Variants in GOLGA4 observed in about 807,000 individuals in gnomAD.
GOLGA4 encodes golgin subfamily A member 4.
GOLGA4 carries 169 observed loss-of-function variants against 265.9 expected under a neutral mutation model. The observed-to-expected ratio is 0.64, with a 90% CI of 0.56 to 0.72. The LOEUF is 0.72. Ranked by LOEUF, GOLGA4 falls within the 30% of genes least tolerant of loss-of-function variation. GOLGA4 has a pLI of 0.00. For synonymous variants in GOLGA4, 923 were observed against 855.8 expected (o/e 1.08, Z -1.37); for missense variants, 2,482 against 2,483.4 (o/e 1.00, Z 0.01).
At chr3:37,335,218 C>A in intron 17 of GOLGA4, 52 bp downstream of exon 17, 1 of 954,412 alleles carries the variant, frequency 1.0e-6, no homozygotes, top group Non-Finnish European at 1.7e-6. Context: ...ATTGTCATTT[C>A]TGTGATTTGA....
At position 37,347,283 on chromosome 3, in the gene GOLGA4, G is replaced by T; in HGVS notation, c.6563G>T (p.Gly2188Val). 1.3e-6 allele frequency: 2 copies of T among 1,580,196 alleles called. No individual in the cohort carries two copies. The highest frequency in any genetic ancestry group is 1.7e-6 in the Non-Finnish European group (2 of 1,149,494). The change falls in exon 21 of 24, where the codon GGT (glycine) becomes GTT (valine). Residue 2188 changes from glycine (G) to valine (V), a missense_variant. Physicochemically the swap from Gly to Val is moderately radical, Grantham distance 109 (BLOSUM62 -3). Transcript: ENST00000361924. ...LRKVLFEYMM[G>V]RETKTMAKVI... ...AAAGTGCTTTTTGAGTATATGATGGGTCGTGAGACTAAGGTATAAATCATG... is the reference window on the plus strand; with the variant it reads ...AAAGTGCTTTTTGAGTATATGATGGTTCGTGAGACTAAGGTATAAATCATG...
intron 15 of GOLGA4, among the ~76,000 whole-genome samples, chr3:37,328,749 A>G (rs964730534): frequency 2.6e-5 from 4 of 152,174 alleles, no homozygotes; most frequent in Non-Finnish European, 4.4e-5. Context: ...TGAAAGTATT[A>G]GCTAATTAAT....
intron 21 of GOLGA4, among the ~76,000 whole-genome samples, chr3:37,350,770 C>T (rs1269340104): frequency 3.3e-5 from 5 of 152,026 alleles, no homozygotes; most frequent in Admixed American, 1.3e-4. Flanking sequence ...TTATACTATA[C>T]TGTAGCCTAT....
rs569169905 is a variant in GOLGA4 at position 37,365,201 on chromosome 3, C to T, written c.*34-879C>T. ...GTTTGTCTTTTGCTATTATGTCATG[C>T]TGGGAGAATTGCAATTTGTAGAATA... On this transcript the variant is annotated intron_variant, in intron 23 of 23. Coordinates refer to ENST00000361924, the MANE Select transcript of GOLGA4 (RefSeq NM_002078.5). Among the ~76,000 whole-genome samples the T allele has an allele frequency of 3.3e-5, 5 of 152,178 alleles. No homozygotes were observed. The East Asian group carries it at 7.7e-4, about 24-fold the overall frequency.
intron 10 of GOLGA4, among the ~76,000 whole-genome samples, chr3:37,307,176 TG>T (rs1344925157): frequency 1.3e-5 from 2 of 152,206 alleles, no homozygotes; most frequent in Non-Finnish European, 2.9e-5. Context: ...ATATGATTGG[TG>T]GCATTTAAAA....
intron 2 of GOLGA4, among the ~76,000 whole-genome samples, chr3:37,263,500 A>C (rs765198487): frequency 2.0e-5 from 3 of 152,156 alleles, no homozygotes; most frequent in South Asian, 2.1e-4. Flanking sequence ...TCACATGACA[A>C]AATGGCCTAA....
At chr3:37,264,404 A>G (rs1480891098) in intron 2 of GOLGA4, among the ~76,000 whole-genome samples, 1 of 152,212 alleles carries the variant, frequency 6.6e-6, no homozygotes, top group East Asian at 1.9e-4. Flanking sequence ...ATATTTTAGT[A>G]TACTACTAAT....
chr3:37,276,051 C>A, intron 2 of GOLGA4: 1 of 1,612,654 alleles, frequency 6.2e-7, no homozygotes, highest in Non-Finnish European at 8.5e-7. Context: ...AAGGATGAGA[C>A]AAATGCTCGA....
intron 2 of GOLGA4, among the ~76,000 whole-genome samples, chr3:37,253,333 G>T (rs934185544): frequency 6.6e-6 from 1 of 151,282 alleles, no homozygotes; most frequent in African/African-American, 2.4e-5. Context: ...ATGAGAAACC[G>T]CATAGGGTAC....
At chr3:37,248,695 A>G (rs1480049274) in intron 1 of GOLGA4, among the ~76,000 whole-genome samples, 1 of 152,124 alleles carries the variant, frequency 6.6e-6, no homozygotes, top group African/African-American at 2.4e-5. Flanking sequence ...TATGTTTTAG[A>G]ATCTGTTAAA....
chr3:37,278,199 C>T, intron 2 of GOLGA4, among the ~76,000 whole-genome samples: 1 of 148,950 alleles, frequency 6.7e-6, no homozygotes, highest in Middle Eastern at 3.5e-3. Flanking sequence ...TGCATATTTT[C>T]TTTTCTTTTT....
At chr3:37,273,728 G>A in intron 2 of GOLGA4, 2 of 595,314 alleles carry the variant, frequency 3.4e-6, no homozygotes, top group Non-Finnish European at 5.9e-6. Flanking sequence ...CAGTATATAT[G>A]GTAAACACAG....
intron 4 of GOLGA4, among the ~76,000 whole-genome samples, chr3:37,287,833 A>C (rs1312079589): frequency 2.0e-5 from 3 of 152,162 alleles, no homozygotes; most frequent in African/African-American, 4.8e-5. Flanking sequence ...AATACAATCC[A>C]GTCATACTCC....
chr3:37,277,414 T>C (rs2096822415), intron 2 of GOLGA4, among the ~76,000 whole-genome samples: 1 of 152,192 alleles, frequency 6.6e-6, no homozygotes, highest in Admixed American at 6.5e-5. Flanking sequence ...TTTCCCCTCT[T>C]AGGAAGACAT....
chr3:37,243,492 T>C lies in GOLGA4; in HGVS notation c.-59T>C. The C allele has an allele frequency of 6.7e-7, 1 of 1,491,486 alleles. No individual in the cohort carries two copies. Among genetic ancestry groups the C allele is most frequent in the Non-Finnish European group, 9.4e-7 (1 of 1,068,792 alleles). The allele number at this position is 1,491,486 out of a possible 1,614,324, so 92.4% of individuals were successfully genotyped here. The stretch of plus-strand genomic sequence containing the variant: ...TCGCCGTAGCCGTCGCGGCCGGGAC[T>C]CCCCGGGCTCTCGCCCTTCAGGTTT... On this transcript the variant is annotated 5_prime_UTR_variant, in exon 1 of 24. Coordinates refer to ENST00000361924, the MANE Select transcript of GOLGA4 (RefSeq NM_002078.5).
chr3:37,310,337 A>G lies in GOLGA4; in HGVS notation c.1235-5083A>G, dbSNP rs114053828. On this transcript the variant is annotated intron_variant, in intron 10 of 23. Transcript: ENST00000361924. ...GGAGTATCCTAAGAAGTGCTGGAGT[A>G]GCAAAAACAATGCCACATTCTTCCT... is the stretch of plus-strand genomic sequence containing the variant. 7.1e-3 allele frequency among the ~76,000 whole-genome samples: 1,078 copies of G among 152,342 alleles called. 10 individuals are homozygous for G. Among genetic ancestry groups the G allele is most frequent in the Non-Finnish European group, 0.011 (759 of 68,020 alleles).
chr3:37,363,958 T>C (rs948448908), intron 23 of GOLGA4, among the ~76,000 whole-genome samples: 1 of 152,338 alleles, frequency 6.6e-6, no homozygotes, highest in East Asian at 1.9e-4. Context: ...AAATAAAAAC[T>C]GACAAGGAAT....
Position 37,324,497 on chromosome 3 carries a change from G to A in GOLGA4, c.2611G>A (p.Glu871Lys), listed in dbSNP as rs773794183. 34 of 1,613,836 alleles carry A rather than the reference G, an allele frequency of 2.1e-5. No homozygotes were observed. The highest frequency in any genetic ancestry group is 1.0e-5 in the Non-Finnish European group (12 of 1,179,932). ...IQVQDLMQQLEKQNSEMEQKV... is the reference protein window; with the variant it reads ...IQVQDLMQQLKKQNSEMEQKV... Reference sequence around the variant, plus strand: ...GGTGCAGGACTTAATGCAGCAACTTGAAAAACAAAATAGTGAAATGGAGCA... The same window carrying A: ...GGTGCAGGACTTAATGCAGCAACTTAAAAAACAAAATAGTGAAATGGAGCA... Residue 871 changes from glutamate to lysine, a missense_variant, in exon 14 of 24, where the codon GAA (glutamate) becomes AAA (lysine). By Grantham distance (56) the Glu-to-Lys change is moderately conservative. Around this residue, in one of 3 missense-constraint regions of GOLGA4, gnomAD observed 1,536 missense variants for 1,483.7 expected, o/e 1.04. Transcript: ENST00000361924.
At chr3:37,320,970 A>G (rs1417901900) in intron 12 of GOLGA4, among the ~76,000 whole-genome samples, 1 of 152,194 alleles carries the variant, frequency 6.6e-6, no homozygotes, top group Non-Finnish European at 1.5e-5. Flanking sequence ...ATGGTACAAA[A>G]TCTTTCCTTA....
Sources: allele counts gnomAD v4.1 joint callset (sites outside exome capture counted in the v4.1 genomes callset), GRCh38; gene constraint gnomAD v4.1.1; regional missense constraint gnomAD v4.1.1; transcripts MANE v1.5; gene names NCBI Gene and HGNC (gene_info 2026-07-23, HGNC 2026-07-21).